Variants in SUCLG2 observed in about 807,000 individuals in gnomAD.
The protein encoded by SUCLG2 is succinate-CoA ligase GDP-forming subunit beta.
In SUCLG2, 42 loss-of-function variants were observed where a neutral mutation model predicts 47.9. The observed-to-expected ratio is 0.88, with a 90% CI of 0.69 to 1.14. SUCLG2 has a LOEUF of 1.14. Ranked by LOEUF, SUCLG2 falls within the 50% of genes most tolerant of loss-of-function variation. The probability of loss-of-function intolerance (pLI) is 0.00; values close to 1 mark genes in which losing one functional copy is unlikely to be tolerated. For synonymous variants in SUCLG2, 195 were observed against 197.3 expected (o/e 0.99, Z 0.10); for missense variants, 571 against 525.9 (o/e 1.09, Z -0.84).
At chr3:67,642,294 A>G (rs1026974893) in intron 1 of SUCLG2, among the ~76,000 whole-genome samples, 2 of 152,156 alleles carry the variant, frequency 1.3e-5, no homozygotes, top group Non-Finnish European at 2.9e-5. Flanking sequence ...TCTGAGCCGC[A>G]GTTTGTTACT....
At chr3:67,528,378 C>T (rs1706311890) in intron 3 of SUCLG2, among the ~76,000 whole-genome samples, 156 bp from the exon 4 acceptor site, 1 of 152,178 alleles carries the variant, frequency 6.6e-6, no homozygotes, top group South Asian at 2.1e-4. Flanking sequence ...GTGTTTAGCA[C>T]TGTACTAGAG....
chr3:67,385,031 A>C (rs1366879433), intron 10 of SUCLG2, among the ~76,000 whole-genome samples: 2 of 152,158 alleles, frequency 1.3e-5, no homozygotes, highest in African/African-American at 4.8e-5. Flanking sequence ...TACAGACTGA[A>C]TCACCTGTAA....
chr3:67,363,052 A>T (rs1229695639), intron 10 of SUCLG2, among the ~76,000 whole-genome samples: 3 of 152,188 alleles, frequency 2.0e-5, no homozygotes, highest in African/African-American at 7.2e-5. Context: ...CTTGACCTCA[A>T]TAAATCACTT....
intron 5 of SUCLG2, 52 bp downstream of exon 5, chr3:67,520,430 G>T: frequency 6.2e-7 from 1 of 1,611,528 alleles, no homozygotes; most frequent in Middle Eastern, 1.7e-4. Context: ...ATATTTAACA[G>T]CTTCTACAAT....
chr3:67,364,281 AC>A (rs2106741009), intron 10 of SUCLG2, among the ~76,000 whole-genome samples: 1 of 152,308 alleles, frequency 6.6e-6, no homozygotes, highest in African/African-American at 2.4e-5. Context: ...CTAGACAGTA[AC>A]AAGACTTCCC....
chr3:67,650,218 C>A (rs184058563), intron 1 of SUCLG2, among the ~76,000 whole-genome samples: 46 of 152,270 alleles, frequency 3.0e-4, no homozygotes, highest in African/African-American at 1.1e-3. Flanking sequence ...CCAATGCAGC[C>A]GCCACAGCCT....
At chr3:67,545,450 C>G (rs75906637) in intron 2 of SUCLG2, among the ~76,000 whole-genome samples, 2,664 of 152,264 alleles carry the variant, frequency 0.017, 69 homozygotes, top group African/African-American at 0.06. Context: ...TCAAATTGCA[C>G]TGAGTTTTAA....
chr3:67,542,041 T>A (rs937122668), intron 2 of SUCLG2, among the ~76,000 whole-genome samples: 1 of 151,934 alleles, frequency 6.6e-6, no homozygotes, highest in African/African-American at 2.4e-5. Context: ...ACCTGGCTAA[T>A]TTTGTATTTT....
intron 9 of SUCLG2, among the ~76,000 whole-genome samples, chr3:67,408,017 A>G (rs1170486716): frequency 2.0e-5 from 3 of 152,176 alleles, no homozygotes; most frequent in Admixed American, 2.0e-4. Flanking sequence ...GGGAGTCTAA[A>G]TAGATTCAGT....
chr3:67,428,722 C>T (rs543756505), intron 9 of SUCLG2, among the ~76,000 whole-genome samples: 2 of 152,102 alleles, frequency 1.3e-5, no homozygotes, highest in African/African-American at 4.8e-5. Context: ...AGACAAATGG[C>T]TAACTAGAAT....
At chr3:67,408,919 TC>T in intron 9 of SUCLG2, 1 of 1,523,542 alleles carries the variant, frequency 6.6e-7, no homozygotes, top group Middle Eastern at 1.7e-4. Flanking sequence ...AATCAGAGAC[TC>T]CCAAGATGAG....
intron 1 of SUCLG2, among the ~76,000 whole-genome samples, chr3:67,637,316 CT>C (rs927142209): frequency 6.6e-6 from 1 of 152,148 alleles, no homozygotes; most frequent in African/African-American, 2.4e-5. Context: ...AATATGACTC[CT>C]TTTGAAACCA....
intron 2 of SUCLG2, among the ~76,000 whole-genome samples, chr3:67,558,556 T>A (rs1026247203): frequency 1.3e-5 from 2 of 152,184 alleles, no homozygotes; most frequent in Non-Finnish European, 2.9e-5. Context: ...TGTGAGAAAG[T>A]GCTGGGCTTT....
At chr3:67,411,254 A>C (rs1702926625) in intron 9 of SUCLG2, among the ~76,000 whole-genome samples, 1 of 152,178 alleles carries the variant, frequency 6.6e-6, no homozygotes, top group Non-Finnish European at 1.5e-5. Context: ...AAGCAGAGAG[A>C]GCCAAAACTT....
chr3:67,630,742 C>T (rs1041292883), intron 1 of SUCLG2, among the ~76,000 whole-genome samples: 11 of 152,322 alleles, frequency 7.2e-5, no homozygotes, highest in African/African-American at 2.2e-4. Context: ...TCACAATCCT[C>T]ATTACACAGT....
chr3:67,612,562 T>C (rs2107318522), intron 1 of SUCLG2, among the ~76,000 whole-genome samples: 2 of 152,336 alleles, frequency 1.3e-5, no homozygotes, highest in Admixed American at 1.3e-4. Flanking sequence ...AGCTAGGCAT[T>C]ATATTAAATA....
chr3:67,525,962 G>C (rs991483855), intron 4 of SUCLG2, among the ~76,000 whole-genome samples: 1 of 152,148 alleles, frequency 6.6e-6, no homozygotes, highest in African/African-American at 2.4e-5. Flanking sequence ...ATGGCCAAAA[G>C]AAATTTGCTT....
At chr3:67,469,242 C>A (rs1360217571) in intron 9 of SUCLG2, among the ~76,000 whole-genome samples, 1 of 152,076 alleles carries the variant, frequency 6.6e-6, no homozygotes, top group South Asian at 2.1e-4. Flanking sequence ...CCAAAAGCAG[C>A]GGGAGCTAAA....
chr3:67,584,017 G>A (rs1707948100), intron 2 of SUCLG2, among the ~76,000 whole-genome samples: 2 of 152,144 alleles, frequency 1.3e-5, no homozygotes, highest in South Asian at 4.1e-4. Flanking sequence ...ACAAAACTAG[G>A]GGTAAAAGTC....
Sources: allele counts gnomAD v4.1 joint callset (sites outside exome capture counted in the v4.1 genomes callset), GRCh38; gene constraint gnomAD v4.1.1; transcripts MANE v1.5; gene names NCBI Gene and HGNC (gene_info 2026-07-23, HGNC 2026-07-21).